The following KIAA0232 variants were observed in gnomAD, a reference collection of about 807,000 sequenced individuals.
KIAA0232 encodes the protein KIAA0232.
Under a neutral mutation model 122.0 loss-of-function variants are expected in KIAA0232, and 27 were observed. The ratio of observed to expected loss-of-function variants is 0.22; its 90% CI spans 0.16 to 0.31. The LOEUF is 0.31. Among genes scored for constraint, KIAA0232 ranks in the 10% least tolerant of loss-of-function variants. The pLI is 1.00. For synonymous variants in KIAA0232, 613 were observed against 587.6 expected, an observed-to-expected ratio of 1.04 and a Z score of -0.63; for missense variants, 1,551 against 1,634.2, an observed-to-expected ratio of 0.95 and a Z score of 0.88.
chr4:6,808,164 T>C (rs1444235148), intron 2 of KIAA0232, among the ~76,000 whole-genome samples: 2 of 152,134 alleles, frequency 1.3e-5, no homozygotes, highest in South Asian at 4.1e-4. Flanking sequence ...GCAAATAGTA[T>C]TTAGGATTTT....
intron 1 of KIAA0232, among the ~76,000 whole-genome samples, chr4:6,801,720 C>T (rs1348854629): frequency 6.6e-6 from 1 of 151,740 alleles, no homozygotes; most frequent in East Asian, 1.9e-4. Flanking sequence ...GCTTACAGTG[C>T]TTAGGACTTT....
intron 1 of KIAA0232, among the ~76,000 whole-genome samples, chr4:6,788,129 C>G (rs1024713549): frequency 6.6e-6 from 1 of 152,190 alleles, no homozygotes; most frequent in Non-Finnish European, 1.5e-5. Flanking sequence ...ACTTCCACCT[C>G]CCTTCCTCCT....
chr4:6,787,987 C>G (rs1421066885), intron 1 of KIAA0232, among the ~76,000 whole-genome samples: 1 of 152,208 alleles, frequency 6.6e-6, no homozygotes, highest in Non-Finnish European at 1.5e-5. Flanking sequence ...AAGATCTTTG[C>G]TATCTAGCCT....
chr4:6,783,550 C>G lies in KIAA0232; in HGVS notation c.-354+709C>G, dbSNP rs533358507. Among the ~76,000 whole-genome samples, 39 of 152,250 alleles carry G rather than the reference C, an allele frequency of 2.6e-4. No homozygotes were observed. The East Asian group carries it at 7.4e-3, about 29-fold the overall frequency. On this transcript the variant is annotated intron_variant, in intron 1 of 9. Coordinates refer to ENST00000307659, the MANE Select transcript of KIAA0232 (RefSeq NM_014743.3). ...GCAGCCTGGGCCGCTCGCTCGCGTT[C>G]CCTCCGTTCCCCTCCCCTCCAGCAT...
At chr4:6,795,656 A>G (rs78786277) in intron 1 of KIAA0232, among the ~76,000 whole-genome samples, 1 of 152,134 alleles carries the variant, frequency 6.6e-6, no homozygotes. Context: ...GCGGTGGTAC[A>G]TTCACAGCTT....
intron 3 of KIAA0232, among the ~76,000 whole-genome samples, chr4:6,832,853 A>C (rs1234871060): frequency 6.6e-6 from 1 of 152,244 alleles, no homozygotes; most frequent in Non-Finnish European, 1.5e-5. Flanking sequence ...TGCCCTGCAG[A>C]GAAGTTACTG....
At position 6,783,701 on chromosome 4, in the gene KIAA0232, G is replaced by A. The variant is rs565839593; in HGVS notation, c.-354+860G>A. On this transcript the variant is annotated intron_variant, in intron 1 of 9. Coordinates refer to ENST00000307659, the MANE Select transcript of KIAA0232 (RefSeq NM_014743.3). ...TATGGCGCGGGGCGCGGCGCGGGGG[G>A]CGGGCCTGGCGGGCGGGGCCGGTGC... Among the ~76,000 whole-genome samples, 672 of 150,692 alleles carry A rather than the reference G, an allele frequency of 4.5e-3. 5 individuals carry two copies. Among genetic ancestry groups the A allele is most frequent in the African/African-American group, 0.015 (635 of 41,364 alleles).
At chr4:6,841,175 T>G (rs1345018462) in intron 3 of KIAA0232, among the ~76,000 whole-genome samples, 1 of 152,226 alleles carries the variant, frequency 6.6e-6, no homozygotes, top group Non-Finnish European at 1.5e-5. Context: ...CTTCATACAT[T>G]TTTTGTTCTG....
chr4:6,848,661 A>G (rs184266437), intron 4 of KIAA0232, among the ~76,000 whole-genome samples: 3 of 152,376 alleles, frequency 2.0e-5, no homozygotes, highest in East Asian at 1.9e-4. Context: ...GCGACCCAAT[A>G]TAGGGATGAC....
chr4:6,819,649 G>T (rs1243952560), intron 2 of KIAA0232, among the ~76,000 whole-genome samples: 1 of 152,188 alleles, frequency 6.6e-6, no homozygotes, highest in African/African-American at 2.4e-5. Context: ...TGCACTGTTG[G>T]TGGGAATCTA....
At chr4:6,841,392 T>C (rs1268161455) in intron 3 of KIAA0232, among the ~76,000 whole-genome samples, 1 of 152,232 alleles carries the variant, frequency 6.6e-6, no homozygotes, top group Non-Finnish European at 1.5e-5. Context: ...ATCTACAATA[T>C]ACTGACATGC....
At chr4:6,836,524 TTTTC>T (rs1029530341) in intron 3 of KIAA0232, among the ~76,000 whole-genome samples, 1 of 148,830 alleles carries the variant, frequency 6.7e-6, no homozygotes, top group Non-Finnish European at 1.5e-5. Flanking sequence ...TGTTTGTCCT[TTTTC>T]TTTTTTTTTT....
intron 1 of KIAA0232, among the ~76,000 whole-genome samples, chr4:6,802,484 C>T (rs1283481160): frequency 2.0e-5 from 3 of 152,084 alleles, no homozygotes; most frequent in East Asian, 1.9e-4. Flanking sequence ...CATTGGTTGG[C>T]GTTCTGGAGA....
Position 6,864,563 on chromosome 4 carries a change from A to AC in KIAA0232, c.3801+384dup, listed in dbSNP as rs1386963613. Among the ~76,000 whole-genome samples, 146 of 151,888 alleles carry AC rather than the reference A, an allele frequency of 9.6e-4. 1 individual carries two copies. The highest frequency in any genetic ancestry group is 3.4e-3 in the African/African-American group (141 of 41,390). On this transcript the variant is annotated intron_variant, in intron 7 of 9. Transcript: ENST00000307659. ...AGACCAGCTTGGCCAACATGGTGAG[A>AC]CCCCGTCTCTACTAAAAATACAAAA...
chr4:6,810,909 A>G (rs950582724), intron 2 of KIAA0232, among the ~76,000 whole-genome samples: 3 of 152,244 alleles, frequency 2.0e-5, no homozygotes, highest in African/African-American at 7.2e-5. Context: ...CAGAATGGCT[A>G]TTATTAAAAA....
chr4:6,835,268 C>A (rs561457829), intron 3 of KIAA0232, among the ~76,000 whole-genome samples: 1 of 152,240 alleles, frequency 6.6e-6, no homozygotes, highest in African/African-American at 2.4e-5. Flanking sequence ...ACCACCGAGC[C>A]TTGAAAGTCA....
At chr4:6,825,021 A>G (rs1035732767) in intron 3 of KIAA0232, among the ~76,000 whole-genome samples, 1 of 152,246 alleles carries the variant, frequency 6.6e-6, no homozygotes, top group Non-Finnish European at 1.5e-5. Flanking sequence ...TACTATTTAG[A>G]AAACTCACAC....
intron 1 of KIAA0232, among the ~76,000 whole-genome samples, chr4:6,797,886 C>T (rs1226428414): frequency 2.0e-5 from 3 of 151,606 alleles, no homozygotes; most frequent in Non-Finnish European, 2.9e-5. Flanking sequence ...GGTGAAACCC[C>T]ATCTCTACTA....
intron 1 of KIAA0232, among the ~76,000 whole-genome samples, chr4:6,801,511 C>T (rs1717382291): frequency 6.6e-6 from 1 of 151,152 alleles, no homozygotes; most frequent in East Asian, 1.9e-4. Flanking sequence ...CAATGTAGTG[C>T]GACCCTATCT....
Sources: allele counts gnomAD v4.1 joint callset (sites outside exome capture counted in the v4.1 genomes callset), GRCh38; gene constraint gnomAD v4.1.1; transcripts MANE v1.5; gene names NCBI Gene and HGNC (gene_info 2026-07-23, HGNC 2026-07-21).